The following TMPPE variants were observed in gnomAD, a reference collection of about 807,000 sequenced individuals.
The protein encoded by TMPPE is transmembrane protein with metallophosphoesterase domain.
A neutral mutation model predicts 22.6 loss-of-function variants in TMPPE; 16 were observed. That is an observed-to-expected ratio of 0.71 (90% CI 0.48 to 1.08). The LOEUF is 1.08. Among genes scored for constraint, TMPPE ranks in the 50% least tolerant of loss-of-function variants. The pLI is 0.00. For missense variants in TMPPE, 526 were observed against 584.3 expected (o/e 0.90, Z 1.03); for synonymous variants, 240 against 245.3 (o/e 0.98, Z 0.20).
At chr3:33,096,365 A>G (rs969230544) in intron 1 of TMPPE, 1 of 980,516 alleles carries the variant, frequency 1.0e-6, no homozygotes, top group African/African-American at 1.8e-5. Flanking sequence ...CCCTGCCCCG[A>G]TCAACGATGG....
chr3:33,094,834 T>A (rs1700937668), intron 1 of TMPPE, among the ~76,000 whole-genome samples: 1 of 152,204 alleles, frequency 6.6e-6, no homozygotes, highest in Admixed American at 6.5e-5. Context: ...CCCTAAAATT[T>A]GGGGAGAAAT....
At position 33,096,938 on chromosome 3, in the gene TMPPE, G is replaced by C. The variant is rs1701057312; in HGVS notation, c.-328C>G. The stretch of plus-strand genomic sequence containing the variant: ...CCGCCCTGCGGGACCGCGGGTGGCT[G>C]CGACCCCAGCCCGGTTCCCCGCCAG... On this transcript the variant is annotated 5_prime_UTR_variant, in exon 1 of 2. Transcript: ENST00000342462. The C allele has an allele frequency of 1.9e-6, 3 of 1,561,226 alleles. No individual in the cohort carries two copies. Among genetic ancestry groups the C allele is most frequent in the Non-Finnish European group, 2.6e-6 (3 of 1,155,224 alleles).
chr3:33,094,298 C>T lies in TMPPE; in HGVS notation c.-103G>A, dbSNP rs1267714633. The T allele has an allele frequency of 1.3e-6, 2 of 1,498,856 alleles. No individual in the cohort carries two copies. Among genetic ancestry groups the T allele is most frequent in the Non-Finnish European group, 1.8e-6 (2 of 1,126,006 alleles). The allele number at this position is 1,498,856 out of a possible 1,614,324, so 92.8% of individuals were successfully genotyped here. ...GGCCAAGGAGAGGTTTCCAGGTCAA[C>T]TCCGCCTGCAACCAGGAACCAGCAT... On this transcript the variant is annotated 5_prime_UTR_variant, in exon 2 of 2. Transcript: ENST00000342462.
intron 1 of TMPPE, among the ~76,000 whole-genome samples, chr3:33,094,720 T>C (rs1700931595): frequency 6.6e-6 from 1 of 152,210 alleles, no homozygotes; most frequent in South Asian, 2.1e-4. Flanking sequence ...TGACATGTGA[T>C]ATGGCAACAG....
In TMPPE at chr3:33,092,017, T is replaced by G. The variant is rs536553299; in HGVS notation, c.*817A>C. On this transcript the variant is annotated 3_prime_UTR_variant, in exon 2 of 2. Transcript: ENST00000342462. ...CCTATCTCTCTTTGCCTTGGTTTCC[T>G]TATCTCCAAATAGGGAAAAGCAGCC... The G allele has an allele frequency of 2.0e-6, 2 of 984,572 alleles. No individual in the cohort carries two copies. The highest frequency in any genetic ancestry group is 3.5e-5 in the African/African-American group (2 of 57,350). The allele number at this position is 984,572 out of a possible 1,614,324, so 61.0% of individuals were successfully genotyped here.
Position 33,092,736 on chromosome 3 carries a change from G to A in TMPPE, c.*98C>T. 2 of 1,501,060 alleles carry A rather than the reference G, an allele frequency of 1.3e-6. No individual in the cohort carries two copies. Among genetic ancestry groups the A allele is most frequent in the East Asian group, 2.3e-5 (1 of 43,672 alleles). The allele number at this position is 1,501,060 out of a possible 1,614,324, so 93.0% of individuals were successfully genotyped here. A position where few individuals can be genotyped will look rare whatever the true frequency, so the allele number is the denominator to read the frequency against. On this transcript the variant is annotated 3_prime_UTR_variant, in exon 2 of 2. Coordinates refer to ENST00000342462, the MANE Select transcript of TMPPE (RefSeq NM_001039770.3). ...ACCAAGGGTGTGTAGGCAAGGATGA[G>A]TGGGCAAGGCTGGAGGGGAAAAGCA...
Position 33,092,380 on chromosome 3 carries a change from C to T in TMPPE, c.*454G>A. 2 of 989,392 alleles carry T rather than the reference C, an allele frequency of 2.0e-6. No homozygotes were observed. Among genetic ancestry groups the T allele is most frequent in the Non-Finnish European group, 2.4e-6 (2 of 832,498 alleles). The allele number at this position is 989,392 out of a possible 1,614,324, so 61.3% of individuals were successfully genotyped here. On this transcript the variant is annotated 3_prime_UTR_variant, in exon 2 of 2. Transcript: ENST00000342462. ...AATTACCTGGCAACACTACCCCTTC[C>T]CCAGAAAGGCTCTGGATCAATGATT...
chr3:33,093,476 G>C lies in TMPPE; in HGVS notation c.720C>G (p.Ile240Met). 9.9e-6 allele frequency: 16 copies of C among 1,614,128 alleles called. No individual in the cohort carries two copies. Among genetic ancestry groups the C allele is most frequent in the Non-Finnish European group, 1.4e-5 (16 of 1,180,044 alleles). The change falls in exon 2 of 2, where the codon ATC becomes ATG. Residue 240 changes from isoleucine to methionine, a missense_variant. Transcript: ENST00000342462. This position sits in a 1 kb window ranked among gnomAD's most constrained non-coding sequence, Gnocchi z 6.0. ...CGGAGAGGTCACCCACAATCACCGT[G>C]ATGTCTGGTTCCAGCACATTCACCA... ...VRMVNVLEPD[I>M]TVIVGDLSDS...
In TMPPE at chr3:33,093,322, G is replaced by A. The variant is rs1248423385; in HGVS notation, c.874C>T (p.Leu292=). Residue 292 remains leucine (L), a synonymous_variant, in exon 2 of 2, where the codon CTG becomes TTG. Transcript: ENST00000342462. This position sits in a 1 kb window ranked among gnomAD's most constrained non-coding sequence, Gnocchi z 6.0. ...AGAGGCTGGACATGCAGGGATTCCA[G>A]AAGTGCAAACCAGTTGCTGACATCT... The part of the protein sequence containing the change: ...TSDVSNWFAL[L]ESLHVQPLHN... The A allele has an allele frequency of 4.3e-6, 7 of 1,614,068 alleles. No individual in the cohort carries two copies. Among genetic ancestry groups the A allele is most frequent in the Non-Finnish European group, 5.9e-6 (7 of 1,180,044 alleles).
rs775440094 is a variant in TMPPE, at chr3:33,096,969, C to G, written c.-359G>C. ...CCAGCCCGGTTCCCCGCCAGCCTGT[C>G]CCCTAGCAATGCCTCCCCGTACCCG... On this transcript the variant is annotated 5_prime_UTR_variant, in exon 1 of 2. Coordinates refer to ENST00000342462, the MANE Select transcript of TMPPE (RefSeq NM_001039770.3). The G allele has an allele frequency of 6.9e-6, 11 of 1,603,926 alleles. No individual in the cohort carries two copies. The African/African-American group carries it at 1.1e-4, about 16-fold the overall frequency.
chr3:33,091,462 C>T lies in TMPPE; in HGVS notation c.*1372G>A. Reference sequence around the variant, plus strand: ...GGCAGCTCGCTACCCACTCACATTCCCCAGGACTGGCTGCTCCATGAATCC... The same window carrying T: ...GGCAGCTCGCTACCCACTCACATTCTCCAGGACTGGCTGCTCCATGAATCC... On this transcript the variant is annotated 3_prime_UTR_variant, in exon 2 of 2. Coordinates refer to ENST00000342462, the MANE Select transcript of TMPPE (RefSeq NM_001039770.3). The T allele has an allele frequency of 6.1e-6, 6 of 985,520 alleles. No homozygotes were observed. The highest frequency in any genetic ancestry group is 7.2e-6 in the Non-Finnish European group (6 of 829,990). 61.0% of individuals were successfully genotyped at this position (985,520 alleles called of 1,614,324 possible).
At position 33,091,500 on chromosome 3, in the gene TMPPE, T is replaced by C. The variant is rs1700760471; in HGVS notation, c.*1334A>G. On this transcript the variant is annotated 3_prime_UTR_variant, in exon 2 of 2. Coordinates refer to ENST00000342462, the MANE Select transcript of TMPPE (RefSeq NM_001039770.3). The stretch of plus-strand genomic sequence containing the variant: ...GCTCCATGAATCCTCTGGGCACCTG[T>C]GCCCAACAGAGTTCCTTAGCAAGCT... 9.1e-6 allele frequency: 9 copies of C among 985,490 alleles called. No individual in the cohort carries two copies. The highest frequency in any genetic ancestry group is 9.6e-6 in the Non-Finnish European group (8 of 829,966). The allele number at this position is 985,490 out of a possible 1,614,324, so 61.0% of individuals were successfully genotyped here.
chr3:33,091,176 G>A lies in TMPPE; in HGVS notation c.*1658C>T. ...CAAGAAAAGTGAGTTTGGAAGGACA[G>A]TGAAGAGAGAAAAAAGAATAAGGAA... On this transcript the variant is annotated 3_prime_UTR_variant, in exon 2 of 2. Transcript: ENST00000342462. 1.0e-6 allele frequency: 1 copy of A among 985,430 alleles called. No homozygotes were observed. The highest frequency in any genetic ancestry group is 1.2e-6 in the Non-Finnish European group (1 of 829,966). 61.0% of individuals were successfully genotyped at this position (985,430 alleles called of 1,614,324 possible).
chr3:33,093,557 T>C lies in TMPPE; in HGVS notation c.639A>G (p.Ser213=). The part of the protein sequence containing the change: ...SMNNLKIVLL[S]DIHLGPTVGR... ...CCACTGTGGGGCCCAAGTGAATGTC[T>C]GAGAGGAGCACGATCTTGAGGTTGT... is the stretch of plus-strand genomic sequence containing the variant. Residue 213 remains serine (S), a synonymous_variant, in exon 2 of 2, where the codon TCA becomes TCG. Transcript: ENST00000342462. The surrounding 1 kb of genome is among the most constrained non-coding windows in gnomAD (Gnocchi z 6.0). 2.5e-6 allele frequency: 4 copies of C among 1,614,216 alleles called. No homozygotes were observed. The highest frequency in any genetic ancestry group is 3.4e-6 in the Non-Finnish European group (4 of 1,180,038).
chr3:33,097,072 A>G lies in TMPPE; in HGVS notation c.-462T>C, dbSNP rs1701065102. The G allele has an allele frequency of 1.2e-6, 2 of 1,612,610 alleles. No homozygotes were observed. The highest frequency in any genetic ancestry group is 1.7e-6 in the Non-Finnish European group (2 of 1,179,094). On this transcript the variant is annotated 5_prime_UTR_variant, in exon 1 of 2. Coordinates refer to ENST00000342462, the MANE Select transcript of TMPPE (RefSeq NM_001039770.3). The stretch of plus-strand genomic sequence containing the variant: ...CAGCAACAGAGGGAGGATGCGAACC[A>G]GGAACCCCGGCATGACCACCAGCCT...
chr3:33,095,431 CAGG>C (rs770789037), intron 1 of TMPPE, among the ~76,000 whole-genome samples: 25 of 152,172 alleles, frequency 1.6e-4, no homozygotes, highest in Non-Finnish European at 2.9e-4. Context: ...GAGGCTGAGG[CAGG>C]AGAATGGCGT....
rs550185272 is a variant in TMPPE at position 33,091,505 on chromosome 3, A to G, written c.*1329T>C. 2 of 985,496 alleles carry G rather than the reference A, an allele frequency of 2.0e-6. No individual in the cohort carries two copies. The highest frequency in any genetic ancestry group is 3.5e-5 in the African/African-American group (2 of 57,364). The allele number at this position is 985,496 out of a possible 1,614,324, so 61.0% of individuals were successfully genotyped here. A position where few individuals can be genotyped will look rare whatever the true frequency, so the allele number is the denominator to read the frequency against. On this transcript the variant is annotated 3_prime_UTR_variant, in exon 2 of 2. Coordinates refer to ENST00000342462, the MANE Select transcript of TMPPE (RefSeq NM_001039770.3). Reference sequence around the variant, plus strand: ...ATGAATCCTCTGGGCACCTGTGCCCAACAGAGTTCCTTAGCAAGCTCCACT... The same window carrying G: ...ATGAATCCTCTGGGCACCTGTGCCCGACAGAGTTCCTTAGCAAGCTCCACT...
rs71630565 is a variant in TMPPE, at chr3:33,095,210, CAAAAAA to C, written c.-108-913_-108-908del. On this transcript the variant is annotated intron_variant, in intron 1 of 1. Transcript: ENST00000342462. Reference sequence around the variant, plus strand: ...TGGGCAAAAGAGCGAGACTCTGTCTCAAAAAAAAAAAAAAAAAAAAAAAAAGGAATA... The same window carrying C: ...TGGGCAAAAGAGCGAGACTCTGTCTCAAAAAAAAAAAAAAAAAAAGGAATA... 2.8e-4 allele frequency among the ~76,000 whole-genome samples: 21 copies of C among 75,894 alleles called. No individual in the cohort carries two copies. In the East Asian group the frequency reaches 3.0e-3, roughly 11 times the overall value. 49.8% of individuals were successfully genotyped at this position (75,894 alleles called of 152,430 possible).
In TMPPE at chr3:33,094,163, C is replaced by G; in HGVS notation, c.33G>C (p.Ala11=). The change falls in exon 2 of 2, where the codon GCG becomes GCC. Residue 11 remains alanine (A), a synonymous_variant. Coordinates refer to ENST00000342462, the MANE Select transcript of TMPPE (RefSeq NM_001039770.3). MAIFRQLSLG[A]KATLAAVTVF... ...CAGTGACAGCAGCCAGGGTGGCCTT[C>G]GCGCCTAGGGACAGCTGCCTGAAGA... 1 of 1,611,460 alleles carries G rather than the reference C, an allele frequency of 6.2e-7. No individual in the cohort carries two copies. The highest frequency in any genetic ancestry group is 8.5e-7 in the Non-Finnish European group (1 of 1,177,974).
Sources: gnomAD v4.1 joint callset for allele counts (sites outside exome capture counted in the v4.1 genomes callset) on GRCh38, gnomAD v4.1.1 for gene constraint, Gnocchi (gnomAD v3.1) non-coding constraint, MANE v1.5 for transcripts, NCBI Gene and HGNC (gene_info 2026-07-23, HGNC 2026-07-21) for gene names.